Variants in VPS35L observed in about 807,000 individuals in gnomAD.
The protein encoded by VPS35L is VPS35 endosomal protein sorting factor like.
Under a neutral mutation model 133.0 loss-of-function variants are expected in VPS35L, and 83 were observed. The observed-to-expected ratio is 0.62, with a 90% CI of 0.52 to 0.75. The LOEUF (loss-of-function observed/expected upper bound fraction) is 0.75. Ranked by LOEUF, VPS35L falls within the 30% of genes least tolerant of loss-of-function variation. The pLI, the probability that VPS35L is intolerant of heterozygous loss-of-function variation, is 0.00. For missense variants in VPS35L, 1,083 were observed against 1,206.8 expected (o/e 0.90, Z 1.52); for synonymous variants, 423 against 449.9 (o/e 0.94, Z 0.76).
chr16:19,568,552 C>T (rs1382290124), intron 2 of VPS35L, among the ~76,000 whole-genome samples: 1 of 152,126 alleles, frequency 6.6e-6, no homozygotes, highest in Admixed American at 6.5e-5. Context: ...GGTGACCAGA[C>T]CCCATCCTGA....
chr16:19,608,978 G>T lies in VPS35L; in HGVS notation c.886G>T (p.Val296Leu). ...SIRELIPRFY[V>L]EASILKCNKF... The stretch of plus-strand genomic sequence containing the variant: ...CTTAACAGGATGTTTTTGTAGTTAC[G>T]TGGAGGCATCCATCCTGAAATGTAA... Residue 296 changes from valine (V) to leucine (L), a missense_variant, in exon 11 of 31, where the codon GTG becomes TTG. Physicochemically the swap from Val to Leu is conservative, Grantham distance 32. Coordinates refer to ENST00000417362, the MANE Select transcript of VPS35L (RefSeq NM_020314.7). 2 of 1,613,698 alleles carry T rather than the reference G, an allele frequency of 1.2e-6. No homozygotes were observed. The highest frequency in any genetic ancestry group is 8.5e-7 in the Non-Finnish European group (1 of 1,179,756).
chr16:19,688,162 A>G (rs1282946841), intron 28 of VPS35L, among the ~76,000 whole-genome samples: 1 of 151,876 alleles, frequency 6.6e-6, no homozygotes, highest in Non-Finnish European at 1.5e-5. Flanking sequence ...CCTGAGCTCA[A>G]GTGACCTACC....
At chr16:19,560,768 C>A (rs934264369) in intron 1 of VPS35L, among the ~76,000 whole-genome samples, 1 of 151,470 alleles carries the variant, frequency 6.6e-6, no homozygotes, top group Admixed American at 6.6e-5. Context: ...TGCACTCCAT[C>A]CTGGGGTACA....
intron 29 of VPS35L, among the ~76,000 whole-genome samples, chr16:19,691,978 G>A (rs746723607): frequency 7.9e-5 from 12 of 151,906 alleles, no homozygotes; most frequent in Admixed American, 5.9e-4. Context: ...GGGTTCAGGC[G>A]ATTCTCCTGC....
intron 24 of VPS35L, among the ~76,000 whole-genome samples, chr16:19,648,594 G>A (rs1344679969): frequency 1.3e-5 from 2 of 152,250 alleles, no homozygotes; most frequent in East Asian, 3.9e-4. Context: ...CAGGCTGGAT[G>A]TGATGGCTCA....
chr16:19,678,345 G>A (rs754157028), intron 27 of VPS35L, among the ~76,000 whole-genome samples: 1 of 151,864 alleles, frequency 6.6e-6, no homozygotes, highest in Non-Finnish European at 1.5e-5. Context: ...TTGGGAGGTA[G>A]CCCTGCCAGG....
At chr16:19,655,831 C>T (rs1454274286) in intron 26 of VPS35L, among the ~76,000 whole-genome samples, 2 of 152,220 alleles carry the variant, frequency 1.3e-5, no homozygotes, top group Non-Finnish European at 2.9e-5. Context: ...TCAGTCCCTT[C>T]TCTAGGTAAC....
intron 8 of VPS35L, 101 bp from the exon 9 acceptor site, chr16:19,601,563 G>A (rs921212978): frequency 5.0e-5 from 59 of 1,186,668 alleles, no homozygotes; most frequent in Non-Finnish European, 6.5e-5. Context: ...GTTAAAGCCT[G>A]TCTGGGCGAT....
intron 26 of VPS35L, among the ~76,000 whole-genome samples, chr16:19,668,539 C>G (rs928690554): frequency 1.3e-5 from 2 of 151,752 alleles, no homozygotes; most frequent in Non-Finnish European, 2.9e-5. Flanking sequence ...TAAATATCTT[C>G]ATTTCCCAAA....
intron 3 of VPS35L, among the ~76,000 whole-genome samples, chr16:19,570,869 A>C: frequency 1.4e-5 from 1 of 72,850 alleles, no homozygotes; most frequent in South Asian, 3.4e-4. Context: ...ATATATATAT[A>C]TATATATATA....
At chr16:19,604,876 TG>T (rs1292631568) in intron 9 of VPS35L, among the ~76,000 whole-genome samples, 2 of 152,230 alleles carry the variant, frequency 1.3e-5, no homozygotes, top group Non-Finnish European at 2.9e-5. Context: ...CTATTAGATG[TG>T]GTCATTTTTT....
At chr16:19,657,654 T>A (rs1177212983) in intron 26 of VPS35L, among the ~76,000 whole-genome samples, 1 of 152,180 alleles carries the variant, frequency 6.6e-6, no homozygotes, top group Non-Finnish European at 1.5e-5. Flanking sequence ...TGAGGAATGT[T>A]CAACCTGTAT....
In VPS35L at chr16:19,610,241, GTCTTTA is replaced by G. The variant is rs2151546821; in HGVS notation, c.930-73_930-68del. On this transcript the variant is annotated intron_variant, in intron 11 of 30. Transcript: ENST00000417362. Reference sequence around the variant, plus strand: ...TCCCCCCCTCCCTGAAATTTAGGAAGTCTTTATCTTTATTTAAAAAATTAAAGAACA... The same window carrying G: ...TCCCCCCCTCCCTGAAATTTAGGAAGTCTTTATTTAAAAAATTAAAGAACA... The G allele has an allele frequency of 3.3e-6, 4 of 1,214,006 alleles. No homozygotes were observed. In the East Asian group the frequency reaches 7.8e-5, roughly 24 times the overall value. 75.2% of individuals were successfully genotyped at this position (1,214,006 alleles called of 1,614,324 possible).
chr16:19,644,954 GTATT>G lies in VPS35L; in HGVS notation c.1929+6_1929+9del, dbSNP rs763062914. On this transcript the variant is annotated splice_donor_region_variant and intron_variant, in intron 23 of 30. Transcript: ENST00000417362. ...ATTAATGGATTTATAAAAATGGTAA[GTATT>G]AGGGAAGAAGTTTCAGTGCACTTGG... 18 of 1,580,478 alleles carry G rather than the reference GTATT, an allele frequency of 1.1e-5. No homozygotes were observed. Among genetic ancestry groups the G allele is most frequent in the Non-Finnish European group, 1.6e-5 (18 of 1,151,928 alleles).
chr16:19,647,471 G>T (rs1973985343), intron 23 of VPS35L, among the ~76,000 whole-genome samples: 1 of 152,194 alleles, frequency 6.6e-6, no homozygotes, highest in Non-Finnish European at 1.5e-5. Flanking sequence ...CCATCAGGAA[G>T]CAGAAAGGTG....
intron 12 of VPS35L, among the ~76,000 whole-genome samples, chr16:19,612,684 C>T (rs1307901503): frequency 2.6e-5 from 4 of 152,196 alleles, no homozygotes; most frequent in Admixed American, 6.5e-5. Flanking sequence ...ATCATGCTGT[C>T]TCTTCTGCAA....
intron 11 of VPS35L, among the ~76,000 whole-genome samples, chr16:19,609,611 A>C (rs1406747896): frequency 6.6e-6 from 1 of 152,216 alleles, no homozygotes; most frequent in Non-Finnish European, 1.5e-5. Context: ...TCTGCAGAGC[A>C]GGTGAAATGC....
At chr16:19,629,984 T>C (rs1048228881) in intron 18 of VPS35L, among the ~76,000 whole-genome samples, 164 bp downstream of exon 18, 16 of 152,250 alleles carry the variant, frequency 1.1e-4, no homozygotes, top group African/African-American at 3.4e-4. Context: ...CATTAATATG[T>C]GTACTATAAC....
intron 12 of VPS35L, among the ~76,000 whole-genome samples, chr16:19,615,316 C>T (rs1354624038): frequency 6.6e-6 from 1 of 152,104 alleles, no homozygotes; most frequent in African/African-American, 2.4e-5. Flanking sequence ...TTAAAAATAG[C>T]TTCTGTGGTC....
Sources: gnomAD v4.1 joint callset for allele counts (sites outside exome capture counted in the v4.1 genomes callset) on GRCh38, gnomAD v4.1.1 for gene constraint, MANE v1.5 for transcripts, NCBI Gene and HGNC (gene_info 2026-07-23, HGNC 2026-07-21) for gene names.